Variants in TRHDE observed in about 807,000 individuals in gnomAD.
TRHDE encodes the protein thyrotropin-releasing hormone-degrading ectoenzyme.
In TRHDE, 72 loss-of-function variants were observed where a neutral mutation model predicts 125.7. The observed-to-expected ratio is 0.57, with a 90% CI of 0.47 to 0.70. TRHDE has a LOEUF of 0.70. Among genes scored for constraint, TRHDE ranks in the 30% least tolerant of loss-of-function variants. The pLI, the probability that TRHDE is intolerant of heterozygous loss-of-function variation, is 0.00. For missense variants in TRHDE, 1,110 were observed against 1,327.1 expected (o/e 0.84, Z 2.54); for synonymous variants, 509 against 509.1 (o/e 1.00, Z 0.00).
chr12:72,173,237 A>G (rs1355518134), intron 2 of TRHDE, among the ~76,000 whole-genome samples: 1 of 152,220 alleles, frequency 6.6e-6, no homozygotes, highest in East Asian at 1.9e-4. Flanking sequence ...ACAATTGGGC[A>G]GAATAAAATA....
chr12:72,294,067 C>T (rs936573370), intron 2 of TRHDE, among the ~76,000 whole-genome samples: 1 of 152,112 alleles, frequency 6.6e-6, no homozygotes, highest in African/African-American at 2.4e-5. Flanking sequence ...CTTGGAGATG[C>T]CAGGAACCAC....
At chr12:72,433,583 A>G (rs1397150611) in intron 3 of TRHDE, among the ~76,000 whole-genome samples, 2 of 151,998 alleles carry the variant, frequency 1.3e-5, no homozygotes, top group Non-Finnish European at 2.9e-5. Context: ...TTCAGTAGTG[A>G]CTGAAAATTT....
chr12:72,503,747 A>G (rs1163867814), intron 6 of TRHDE, among the ~76,000 whole-genome samples: 1 of 152,244 alleles, frequency 6.6e-6, no homozygotes, highest in East Asian at 1.9e-4. Context: ...GCTAAGACTC[A>G]TCTCATACGG....
At chr12:72,521,377 GA>G (rs560984232) in intron 6 of TRHDE, among the ~76,000 whole-genome samples, 101 of 152,284 alleles carry the variant, frequency 6.6e-4, no homozygotes, top group African/African-American at 2.4e-3. Context: ...AAGGAGCTCA[GA>G]AAAGCGCTAT....
At chr12:72,622,915 T>C (rs1431244777) in intron 15 of TRHDE, among the ~76,000 whole-genome samples, 1 of 152,042 alleles carries the variant, frequency 6.6e-6, no homozygotes, top group Non-Finnish European at 1.5e-5. Context: ...GAAAATATTT[T>C]ATCAGTATCA....
At chr12:72,232,445 G>T (rs547918889) in intron 2 of TRHDE, among the ~76,000 whole-genome samples, 4 of 152,126 alleles carry the variant, frequency 2.6e-5, no homozygotes, top group Non-Finnish European at 5.9e-5. Context: ...GTGAGTTTGT[G>T]TGTAAAAGTG....
At chr12:72,320,682 A>T (rs200466817) in intron 2 of TRHDE, among the ~76,000 whole-genome samples, 2 of 152,072 alleles carry the variant, frequency 1.3e-5, no homozygotes, top group East Asian at 3.9e-4. Context: ...GATAAAAAGG[A>T]TATATTTTTA....
At chr12:72,230,054 C>T (rs1004109089) in intron 2 of TRHDE, among the ~76,000 whole-genome samples, 6 of 152,134 alleles carry the variant, frequency 3.9e-5, no homozygotes, top group Non-Finnish European at 7.4e-5. Flanking sequence ...CACCACCTGA[C>T]GGTTTTGTTC....
chr12:72,194,249 T>G (rs1429894523), intron 2 of TRHDE, among the ~76,000 whole-genome samples: 4 of 152,058 alleles, frequency 2.6e-5, no homozygotes, highest in Non-Finnish European at 5.9e-5. Context: ...ATACACAGAA[T>G]GAGATAACAT....
intron 2 of TRHDE, among the ~76,000 whole-genome samples, chr12:72,358,857 T>A (rs1870938836): frequency 6.6e-6 from 1 of 151,554 alleles, no homozygotes; most frequent in Non-Finnish European, 1.5e-5. Context: ...AATTTCATGC[T>A]CATACTTATA....
At chr12:72,568,491 A>C in intron 9 of TRHDE, 77 bp from the exon 10 acceptor site, 12 of 978,418 alleles carry the variant, frequency 1.2e-5, no homozygotes, top group Non-Finnish European at 1.7e-5. Flanking sequence ...ATCACACAGA[A>C]GGCGCATGGG....
chr12:72,577,158 T>A (rs1775836678), intron 12 of TRHDE, among the ~76,000 whole-genome samples: 1 of 152,086 alleles, frequency 6.6e-6, no homozygotes, highest in South Asian at 2.1e-4. Context: ...GATAATGTAC[T>A]GAAAGAGAAG....
intron 12 of TRHDE, among the ~76,000 whole-genome samples, chr12:72,592,589 GT>G (rs1405454845): frequency 4.7e-5 from 7 of 148,974 alleles, no homozygotes. Flanking sequence ...TATTTTTGTT[GT>G]TTCCTTTATT....
chr12:72,516,893 T>C (rs1878892918), intron 6 of TRHDE, among the ~76,000 whole-genome samples: 1 of 152,166 alleles, frequency 6.6e-6, no homozygotes, highest in Admixed American at 6.5e-5. Context: ...TCTGCATCTA[T>C]TGAGATAATC....
chr12:72,432,326 C>T (rs1477521125), intron 3 of TRHDE, among the ~76,000 whole-genome samples: 1 of 152,126 alleles, frequency 6.6e-6, no homozygotes, highest in Non-Finnish European at 1.5e-5. Flanking sequence ...GGCACAATGC[C>T]GAAAACCTGG....
At chr12:72,578,481 T>G (rs1273092017) in intron 12 of TRHDE, among the ~76,000 whole-genome samples, 1 of 152,172 alleles carries the variant, frequency 6.6e-6, no homozygotes, top group Non-Finnish European at 1.5e-5. Context: ...TTACTCACCC[T>G]CCCTCATTGA....
At chr12:72,156,359 T>A (rs1229895969) in intron 2 of TRHDE, among the ~76,000 whole-genome samples, 1 of 152,182 alleles carries the variant, frequency 6.6e-6, no homozygotes, top group Non-Finnish European at 1.5e-5. Flanking sequence ...AGGTGATGCC[T>A]CGCCCTGCTT....
intron 9 of TRHDE, among the ~76,000 whole-genome samples, chr12:72,563,453 CAAATT>C (rs1258424958): frequency 6.6e-6 from 1 of 152,032 alleles, no homozygotes; most frequent in Non-Finnish European, 1.5e-5. Context: ...AAACAAAAAT[CAAATT>C]AAATAATGTC....
chr12:72,638,630 C>T (rs1376845355), intron 15 of TRHDE, among the ~76,000 whole-genome samples: 1 of 152,086 alleles, frequency 6.6e-6, no homozygotes, highest in African/African-American at 2.4e-5. Context: ...CATGATTTTG[C>T]AGCGGCTGGT....
Sources: gnomAD v4.1 joint callset for allele counts (sites outside exome capture counted in the v4.1 genomes callset) on GRCh38, gnomAD v4.1.1 for gene constraint, MANE v1.5 for transcripts, NCBI Gene and HGNC (gene_info 2026-07-23, HGNC 2026-07-21) for gene names.